EMILIN1: variants seen among roughly 807,000 people sequenced by gnomAD.
EMILIN1 encodes the protein EMILIN-1.
EMILIN1 carries 49 observed loss-of-function variants against 82.4 expected under a neutral mutation model. The observed-to-expected ratio is 0.59, with a 90% CI of 0.47 to 0.75. The LOEUF is 0.75. EMILIN1 is among the 30% of genes least tolerant of loss of function. EMILIN1 has a pLI of 0.00. For missense variants in EMILIN1, 1,313 were observed against 1,366.4 expected (o/e 0.96, Z 0.62); for synonymous variants, 604 against 602.2 (o/e 1.00, Z -0.04).
chr2:27,082,375 C>T lies in EMILIN1; in HGVS notation c.804C>T (p.Ser268=). The T allele has an allele frequency of 2.5e-6, 4 of 1,611,078 alleles. No individual in the cohort carries two copies. The highest frequency in any genetic ancestry group is 2.5e-6 in the Non-Finnish European group (3 of 1,179,448). The change falls in exon 4 of 8, where the codon AGC becomes AGT. Residue 268 remains serine (S), a synonymous_variant. Coordinates refer to ENST00000380320, the MANE Select transcript of EMILIN1 (RefSeq NM_007046.4). ...ACCTCAACAACCATCATGGCGGCAG[C>T]AGCAGCAGTGGGGGCAGCAGGGCCC... is the stretch of plus-strand genomic sequence containing the variant. The part of the protein sequence containing the change: ...LGHLNNHHGG[S]SSSGGSRAPA...
chr2:27,084,417 C>T lies in EMILIN1; in HGVS notation c.2443C>T (p.Pro815Ser). 6.3e-7 allele frequency: 1 copy of T among 1,595,208 alleles called. No homozygotes were observed. Among genetic ancestry groups the T allele is most frequent in the Non-Finnish European group, 8.6e-7 (1 of 1,165,792 alleles). Residue 815 changes from proline (P) to serine (S), a missense_variant and splice_region_variant, in exon 5 of 8, where the codon CCT (proline) becomes TCT (serine). By Grantham distance (74) the Pro-to-Ser change is moderately conservative (BLOSUM62 -1). Transcript: ENST00000380320. ...TCAACTCAATTTTGTCACTGTAGGG[C>T]CTGCAGGAGAGGCTGGGCCCCCAGG... ...HQLSLKDLTGPAGEAGPPGPP... is the reference protein window; with the variant it reads ...HQLSLKDLTGSAGEAGPPGPP...
chr2:27,085,961 C>T lies in EMILIN1; in HGVS notation c.2997C>T (p.Leu999=). ...MGQLAHSEEP[L]TIFSGALLYG... Reference sequence around the variant, plus strand: ...AGCTGGCGCACTCGGAGGAGCCGCTCACCATCTTCAGCGGGGCCCTGCTCT... The same window carrying T: ...AGCTGGCGCACTCGGAGGAGCCGCTTACCATCTTCAGCGGGGCCCTGCTCT... Residue 999 remains leucine (L), a synonymous_variant, in exon 8 of 8, where the codon CTC becomes CTT. Transcript: ENST00000380320. 1 of 1,508,374 alleles carries T rather than the reference C, an allele frequency of 6.6e-7. No homozygotes were observed. The highest frequency in any genetic ancestry group is 8.9e-7 in the Non-Finnish European group (1 of 1,120,456). The allele number at this position is 1,508,374 out of a possible 1,614,324, so 93.4% of individuals were successfully genotyped here. A position where few individuals can be genotyped will look rare whatever the true frequency, so the allele number is the denominator to read the frequency against.
intron 7 of EMILIN1, 42 bp from the exon 8 acceptor site, chr2:27,085,636 C>T: frequency 1.3e-6 from 2 of 1,541,384 alleles, no homozygotes; most frequent in Non-Finnish European, 1.8e-6. Flanking sequence ...GTGCGCTCCC[C>T]GGAGCTTCCC....
At chr2:27,084,560 C>T (rs1297032479) in intron 5 of EMILIN1, 29 bp downstream of exon 5, 2 of 1,439,602 alleles carry the variant, frequency 1.4e-6, no homozygotes, top group South Asian at 1.1e-5. Context: ...TTGCTGCAGT[C>T]AGGGTTGCCA....
intron 2 of EMILIN1, 54 bp downstream of exon 2, chr2:27,080,324 T>C (rs1669451822): frequency 1.2e-6 from 2 of 1,603,006 alleles, no homozygotes; most frequent in African/African-American, 2.7e-5. Flanking sequence ...CGAGGGCAGA[T>C]GGTGGGTGGC....
chr2:27,080,222 A>G lies in EMILIN1; in HGVS notation c.242A>G (p.Lys81Arg). The G allele has an allele frequency of 1.2e-6, 2 of 1,614,128 alleles. No homozygotes were observed. The highest frequency in any genetic ancestry group is 1.7e-6 in the Non-Finnish European group (2 of 1,179,952). ...GAGGATGGAGTGGAGACATATGTCA[A>G]GTACCAGCCTTGTGCCTGGGGCCAG... Reference protein sequence around the residue: ...VLEDGVETYVKYQPCAWGQPQ... With the variant: ...VLEDGVETYVRYQPCAWGQPQ... The change falls in exon 2 of 8, where the codon AAG becomes AGG. Residue 81 changes from lysine (K) to arginine (R), a missense_variant. Physicochemically the swap from Lys to Arg is conservative, Grantham distance 26 (BLOSUM62 2). Coordinates refer to ENST00000380320, the MANE Select transcript of EMILIN1 (RefSeq NM_007046.4).
At chr2:27,084,052 C>T in intron 4 of EMILIN1, 41 bp downstream of exon 4, 3 of 1,433,212 alleles carry the variant, frequency 2.1e-6, no homozygotes, top group Admixed American at 2.9e-5. Flanking sequence ...TTTCAAGCCC[C>T]TTATTTTTCT....
Position 27,085,242 on chromosome 2 carries a change from G to T in EMILIN1, c.2658G>T (p.Thr886=), listed in dbSNP as rs774676569. Residue 886 remains threonine (T), a synonymous_variant, in exon 7 of 8, where the codon ACG becomes ACT. Coordinates refer to ENST00000380320, the MANE Select transcript of EMILIN1 (RefSeq NM_007046.4). Reference sequence around the variant, plus strand: ...GTTTGCCCCGGTCTGAACCAGGCACGGTCCCCTTCGACAGAGTCCTGCTCA... The same window carrying T: ...GTTTGCCCCGGTCTGAACCAGGCACTGTCCCCTTCGACAGAGTCCTGCTCA... ...ALSLPRSEPG[T]VPFDRVLLND... is the part of the protein sequence containing the mutation. 2.5e-6 allele frequency: 4 copies of T among 1,614,126 alleles called. No individual in the cohort carries two copies. The East Asian group carries it at 6.7e-5, about 27-fold the overall frequency.
Position 27,084,501 on chromosome 2 carries a change from G to C in EMILIN1, c.2527G>C (p.Asp843His), listed in dbSNP as rs770450689. ...TGGACCTCCAGGATCACCAGGCAAGGACGGGCAAGAGGGCCCCATCGGGCC... is the reference window on the plus strand; with the variant it reads ...TGGACCTCCAGGATCACCAGGCAAGCACGGGCAAGAGGGCCCCATCGGGCC... The part of the protein sequence containing the change: ...PAGPPGSPGK[D>H]GQEGPIGPPG... The change falls in exon 5 of 8, where the codon GAC becomes CAC. Residue 843 changes from aspartate to histidine, a missense_variant. Asp to His is a moderately conservative substitution (Grantham distance 81, BLOSUM62 -1). Transcript: ENST00000380320. 2.4e-5 allele frequency: 38 copies of C among 1,612,974 alleles called. No individual in the cohort carries two copies. The highest frequency in any genetic ancestry group is 1.6e-4 in the Middle Eastern group (1 of 6,078).
intron 1 of EMILIN1, among the ~76,000 whole-genome samples, chr2:27,079,660 G>A (rs563022486): frequency 1.3e-5 from 2 of 152,334 alleles, no homozygotes; most frequent in South Asian, 4.1e-4. Flanking sequence ...GGAGTGAATG[G>A]GGCCAGGAGT....
chr2:27,080,658 C>A (rs774080668), intron 2 of EMILIN1, 74 bp from the exon 3 acceptor site: 52 of 1,289,900 alleles, frequency 4.0e-5, no homozygotes, highest in Non-Finnish European at 5.6e-5. Flanking sequence ...AGCAGCTGCC[C>A]ACCCCTGAGG....
At position 27,084,058 on chromosome 2, in the gene EMILIN1, T is replaced by G. The variant is rs372769075; in HGVS notation, c.2440+47T>G. The G allele has an allele frequency of 2.0e-3, 2,917 of 1,430,496 alleles. 6 individuals carry two copies. Among genetic ancestry groups the G allele is most frequent in the Non-Finnish European group, 2.5e-3 (2,690 of 1,087,698 alleles). The allele number at this position is 1,430,496 out of a possible 1,614,324, so 88.6% of individuals were successfully genotyped here. ...GGGGACCCCTTTCAAGCCCCTTATT[T>G]TTCTTCTCCCTCCCCCAGCCCAGCT... On this transcript the variant is annotated intron_variant, in intron 4 of 7. Coordinates refer to ENST00000380320, the MANE Select transcript of EMILIN1 (RefSeq NM_007046.4).
At position 27,085,980 on chromosome 2, in the gene EMILIN1, C is replaced by G. The variant is rs930578679; in HGVS notation, c.3016C>G (p.Leu1006Val). 1 of 1,491,432 alleles carries G rather than the reference C, an allele frequency of 6.7e-7. No individual in the cohort carries two copies. The highest frequency in any genetic ancestry group is 9.0e-7 in the Non-Finnish European group (1 of 1,112,462). 92.4% of individuals were successfully genotyped at this position (1,491,432 alleles called of 1,614,324 possible). A position where few individuals can be genotyped will look rare whatever the true frequency, so the allele number is the denominator to read the frequency against. ...GCCGCTCACCATCTTCAGCGGGGCC[C>G]TGCTCTATGGGGACCCAGAGCTTGA... Reference protein sequence around the residue: ...EEPLTIFSGALLYGDPELEHA With the variant: ...EEPLTIFSGAVLYGDPELEHA The change falls in exon 8 of 8, where the codon CTG (leucine) becomes GTG (valine). Residue 1006 changes from leucine (L) to valine (V), a missense_variant. Transcript: ENST00000380320.
In EMILIN1 at chr2:27,078,885, G is replaced by C. The variant is rs1669423175; in HGVS notation, c.-181G>C. The C allele has an allele frequency of 1.9e-6, 1 of 516,278 alleles. No homozygotes were observed. Among genetic ancestry groups the C allele is most frequent in the South Asian group, 2.6e-5 (1 of 37,874 alleles). The allele number at this position is 516,278 out of a possible 1,614,324, so 32.0% of individuals were successfully genotyped here. A position where few individuals can be genotyped will look rare whatever the true frequency, so the allele number is the denominator to read the frequency against. ...ACAGGAGCTGAGGAGGAAAGAGGAGGGGAGAGGGGTCAGGCCAGGCAGCCA... is the reference window on the plus strand; with the variant it reads ...ACAGGAGCTGAGGAGGAAAGAGGAGCGGAGAGGGGTCAGGCCAGGCAGCCA... On this transcript the variant is annotated 5_prime_UTR_variant, in exon 1 of 8. Coordinates refer to ENST00000380320, the MANE Select transcript of EMILIN1 (RefSeq NM_007046.4).
At position 27,082,911 on chromosome 2, in the gene EMILIN1, A is replaced by G; in HGVS notation, c.1340A>G (p.Glu447Gly). Residue 447 changes from glutamate to glycine, a missense_variant, in exon 4 of 8, where the codon GAG becomes GGG. By Grantham distance (98) the Glu-to-Gly change is moderately conservative. Transcript: ENST00000380320. Reference sequence around the variant, plus strand: ...CTGCCTGCTGCCCGGGGCCGACTAGAGCAGTTGGGGGGGCTGCTGGCCAAT... The same window carrying G: ...CTGCCTGCTGCCCGGGGCCGACTAGGGCAGTTGGGGGGGCTGCTGGCCAAT... Reference protein sequence around the residue: ...HWLPAARGRLEQLGGLLANVS... With the variant: ...HWLPAARGRLGQLGGLLANVS... 1 of 1,532,736 alleles carries G rather than the reference A, an allele frequency of 6.5e-7. No individual in the cohort carries two copies. Among genetic ancestry groups the G allele is most frequent in the Non-Finnish European group, 8.8e-7 (1 of 1,140,222 alleles). 94.9% of individuals were successfully genotyped at this position (1,532,736 alleles called of 1,614,324 possible). A position where few individuals can be genotyped will look rare whatever the true frequency, so the allele number is the denominator to read the frequency against.
chr2:27,080,117 T>G, intron 1 of EMILIN1, 34 bp from the exon 2 acceptor site: 1 of 1,612,360 alleles, frequency 6.2e-7, no homozygotes, highest in Non-Finnish European at 8.5e-7. Context: ...CATGTATCTT[T>G]GGTCCTTGGA....
chr2:27,082,645 G>T lies in EMILIN1; in HGVS notation c.1074G>T (p.Leu358=). 1 of 1,547,876 alleles carries T rather than the reference G, an allele frequency of 6.5e-7. No individual in the cohort carries two copies. Residue 358 remains leucine, a synonymous_variant, in exon 4 of 8, where the codon CTG becomes CTT. Coordinates refer to ENST00000380320, the MANE Select transcript of EMILIN1 (RefSeq NM_007046.4). Reference sequence around the variant, plus strand: ...CTCAGGAATGCTGCTCTCCAGAGCTGGGCCGGCGACTGGCAGAGCTGGAGC... The same window carrying T: ...CTCAGGAATGCTGCTCTCCAGAGCTTGGCCGGCGACTGGCAGAGCTGGAGC... ...RPPQECCSPE[L]GRRLAELERR...
rs534036052 is a variant in EMILIN1 at position 27,083,379 on chromosome 2, C to T, written c.1808C>T (p.Ser603Phe). 4 of 1,612,356 alleles carry T rather than the reference C, an allele frequency of 2.5e-6. No homozygotes were observed. In the East Asian group the frequency reaches 6.7e-5, roughly 27 times the overall value. The change falls in exon 4 of 8, where the codon TCC (serine) becomes TTC (phenylalanine). Residue 603 changes from serine to phenylalanine, a missense_variant. Ser to Phe is a radical substitution (Grantham distance 155). Coordinates refer to ENST00000380320, the MANE Select transcript of EMILIN1 (RefSeq NM_007046.4). Reference sequence around the variant, plus strand: ...CTTCGGGATGGTGTGGAGCGCTGCTCCTGCCCCCTGTTGCCTCCTCGGGGT... The same window carrying T: ...CTTCGGGATGGTGTGGAGCGCTGCTTCTGCCCCCTGTTGCCTCCTCGGGGT... ...GRLRDGVERC[S>F]CPLLPPRGPG...
rs1177833427 is a variant in EMILIN1, at chr2:27,082,857, C to G, written c.1286C>G (p.Pro429Arg). The G allele has an allele frequency of 6.3e-7, 1 of 1,585,462 alleles. No homozygotes were observed. Among genetic ancestry groups the G allele is most frequent in the Non-Finnish European group, 8.5e-7 (1 of 1,173,988 alleles). ...TCGGAGGAGCAGGAGGAGAGCTGGC[C>G]TGGGGCTCCTGGGGGGCTGAGCCAC... ...GPSEEQEESW[P>R]GAPGGLSHWL... Residue 429 changes from proline to arginine, a missense_variant, in exon 4 of 8, where the codon CCT (proline) becomes CGT (arginine). Coordinates refer to ENST00000380320, the MANE Select transcript of EMILIN1 (RefSeq NM_007046.4).
Sources: gnomAD v4.1 joint callset for allele counts (sites outside exome capture counted in the v4.1 genomes callset) on GRCh38, gnomAD v4.1.1 for gene constraint, MANE v1.5 for transcripts, NCBI Gene and HGNC (gene_info 2026-07-23, HGNC 2026-07-21) for gene names.